FEM1A: variants seen among roughly 807,000 people sequenced by gnomAD.
FEM1A encodes the protein protein fem-1 homolog A.
FEM1A carries 1 observed loss-of-function variant against 0.7 expected under a neutral mutation model. That is an observed-to-expected ratio of 1.35 (90% CI 0.48 to 6.40). The LOEUF is 6.40. Ranked by LOEUF, FEM1A falls within the 30% of genes most tolerant of loss-of-function variation. The pLI, the probability that FEM1A is intolerant of heterozygous loss-of-function variation, is 0.14. For missense variants in FEM1A, 721 were observed against 918.7 expected (o/e 0.78, Z 2.78); for synonymous variants, 391 against 420.6 (o/e 0.93, Z 0.86).
At position 4,793,187 on chromosome 19, in the gene FEM1A, G is replaced by A. The variant is rs201453255; in HGVS notation, c.1333G>A (p.Val445Met). The change falls in exon 1 of 1, where the codon GTG (valine) becomes ATG (methionine). Residue 445 changes from valine (V) to methionine (M), a missense_variant. By Grantham distance (21) the Val-to-Met change is conservative. This residue lies in a region of FEM1A where 379 missense variants were observed against 454.8 expected (regional missense o/e 0.83). Coordinates refer to ENST00000269856, the MANE Select transcript of FEM1A (RefSeq NM_018708.3). This position sits in a 1 kb window ranked among gnomAD's most constrained non-coding sequence, Gnocchi z 5.1. Reference protein sequence around the residue: ...FLSFAELFSYVLQDRAAKGSL... With the variant: ...FLSFAELFSYMLQDRAAKGSL... The stretch of plus-strand genomic sequence containing the variant: ...CTCCTTCGCGGAACTCTTCTCCTAC[G>A]TGCTTCAGGACCGGGCCGCCAAAGG... The A allele has an allele frequency of 4.6e-5, 75 of 1,613,468 alleles. No homozygotes were observed. The highest frequency in any genetic ancestry group is 6.4e-5 in the Non-Finnish European group (75 of 1,180,016).
In FEM1A at chr19:4,792,645, G is replaced by T. The variant is rs747880227; in HGVS notation, c.791G>T (p.Cys264Phe). ...GAAGACCCCTCCACCAGCCAGGGGT[G>T]TGCGCAGCCTCAGGGGGCTCCGTGC... ...PQEDPSTSQG[C>F]AQPQGAPCCS... The change falls in exon 1 of 1, where the codon TGT becomes TTT. Residue 264 changes from cysteine to phenylalanine, a missense_variant. Physicochemically the swap from Cys to Phe is radical, Grantham distance 205 (BLOSUM62 -2). This residue lies in a region of FEM1A where 137 missense variants were observed against 121.7 expected (regional missense o/e 1.13). Coordinates refer to ENST00000269856, the MANE Select transcript of FEM1A (RefSeq NM_018708.3). The surrounding 1 kb of genome is among the most constrained non-coding windows in gnomAD (Gnocchi z 6.7). The T allele has an allele frequency of 6.2e-7, 1 of 1,612,058 alleles. No individual in the cohort carries two copies. Among genetic ancestry groups the T allele is most frequent in the South Asian group, 1.1e-5 (1 of 91,002 alleles).
In FEM1A at chr19:4,798,126, C is replaced by T. The variant is rs868449830; in HGVS notation, c.*4262C>T. ...CAGGTGCCTGTAGTCCCAGCTACTC[C>T]GGAGTCTGAGGCAGGAGAATGGCGT... On this transcript the variant is annotated 3_prime_UTR_variant, in exon 1 of 1. Coordinates refer to ENST00000269856, the MANE Select transcript of FEM1A (RefSeq NM_018708.3). The T allele has an allele frequency of 1.4e-5, 2 of 147,728 alleles. No individual in the cohort carries two copies. Among genetic ancestry groups the T allele is most frequent in the African/African-American group, 2.5e-5 (1 of 39,986 alleles). 9.2% of individuals were successfully genotyped at this position (147,728 alleles called of 1,614,324 possible). A position where few individuals can be genotyped will look rare whatever the true frequency, so the allele number is the denominator to read the frequency against.
rs1183524531 is a variant in FEM1A at position 4,795,895 on chromosome 19, CA to C, written c.*2032del. Reference sequence around the variant, plus strand: ...TATTTTCTGTAGAGGCAGGTTTTGCCATGTTGGCCAGGCTGGTCTCAAACTC... The same window carrying C: ...TATTTTCTGTAGAGGCAGGTTTTGCCTGTTGGCCAGGCTGGTCTCAAACTC... On this transcript the variant is annotated 3_prime_UTR_variant, in exon 1 of 1. Transcript: ENST00000269856. The C allele has an allele frequency of 6.6e-6, 1 of 152,076 alleles. No individual in the cohort carries two copies. The highest frequency in any genetic ancestry group is 1.5e-5 in the Non-Finnish European group (1 of 68,044). 9.4% of individuals were successfully genotyped at this position (152,076 alleles called of 1,614,324 possible).
chr19:4,793,232 G>A lies in FEM1A; in HGVS notation c.1378G>A (p.Gly460Ser), dbSNP rs776751127. 4 of 1,613,446 alleles carry A rather than the reference G, an allele frequency of 2.5e-6. No individual in the cohort carries two copies. Among genetic ancestry groups the A allele is most frequent in the East Asian group, 4.5e-5 (2 of 44,880 alleles). Residue 460 changes from glycine (G) to serine (S), a missense_variant, in exon 1 of 1, where the codon GGC becomes AGC. Physicochemically the swap from Gly to Ser is moderately conservative, Grantham distance 56. This residue lies in a region of FEM1A where 379 missense variants were observed against 454.8 expected (regional missense o/e 0.83). Transcript: ENST00000269856. The surrounding 1 kb of genome is among the most constrained non-coding windows in gnomAD (Gnocchi z 5.1). ...CAAAGGCAGCCTGGGCACCCAGATC[G>A]GCTTTGCAGACCTCATGGGGGTTCT... ...AAKGSLGTQI[G>S]FADLMGVLTK...
chr19:4,797,466 C>T lies in FEM1A; in HGVS notation c.*3602C>T, dbSNP rs57455469. The T allele has an allele frequency of 0.11, 16,306 of 151,818 alleles. 939 individuals carry two copies. The highest frequency in any genetic ancestry group is 0.21 in the South Asian group (1,029 of 4,788). 9.4% of individuals were successfully genotyped at this position (151,818 alleles called of 1,614,324 possible). On this transcript the variant is annotated 3_prime_UTR_variant, in exon 1 of 1. Transcript: ENST00000269856. ...GCCACCGCACCCGACCAGATGAAGG[C>T]CATCTTAAAGCTCAACCAGTTTCAG...
chr19:4,793,800 A>C lies in FEM1A; in HGVS notation c.1946A>C (p.Lys649Thr). The C allele has an allele frequency of 6.2e-7, 1 of 1,610,938 alleles. No individual in the cohort carries two copies. Among genetic ancestry groups the C allele is most frequent in the Non-Finnish European group, 8.5e-7 (1 of 1,179,350 alleles). The change falls in exon 1 of 1, where the codon AAG becomes ACG. Residue 649 changes from lysine to threonine, a missense_variant. Transcript: ENST00000269856. This position sits in a 1 kb window ranked among gnomAD's most constrained non-coding sequence, Gnocchi z 5.1. ...LQCLAARALD[K>T]NKIPYKGFIP... The stretch of plus-strand genomic sequence containing the variant: ...TGCCTTGCGGCCCGGGCCCTGGATA[A>C]GAACAAGATCCCTTACAAGGGCTTC...
In FEM1A at chr19:4,801,060, A is replaced by C. The variant is rs1372212955; in HGVS notation, c.*7196A>C. 2 of 152,166 alleles carry C rather than the reference A, an allele frequency of 1.3e-5. No individual in the cohort carries two copies. The highest frequency in any genetic ancestry group is 2.9e-5 in the Non-Finnish European group (2 of 68,024). 9.4% of individuals were successfully genotyped at this position (152,166 alleles called of 1,614,324 possible). A position where few individuals can be genotyped will look rare whatever the true frequency, so the allele number is the denominator to read the frequency against. On this transcript the variant is annotated 3_prime_UTR_variant, in exon 1 of 1. Transcript: ENST00000269856. ...TCCTGTTTCCCCAGTGGGTTGTACA[A>C]GACACCTTGAACTTCTGCATGAACT...
rs1211781274 is a variant in FEM1A at position 4,793,216 on chromosome 19, C to A, written c.1362C>A (p.Ser454Arg). The change falls in exon 1 of 1, where the codon AGC (serine) becomes AGA (arginine). Residue 454 changes from serine to arginine, a missense_variant. By Grantham distance (110) the Ser-to-Arg change is moderately radical (BLOSUM62 -1). This residue lies in a region of FEM1A where 379 missense variants were observed against 454.8 expected (regional missense o/e 0.83). Coordinates refer to ENST00000269856, the MANE Select transcript of FEM1A (RefSeq NM_018708.3). This position sits in a 1 kb window ranked among gnomAD's most constrained non-coding sequence, Gnocchi z 5.1. ...YVLQDRAAKG[S>R]LGTQIGFADL... ...TTCAGGACCGGGCCGCCAAAGGCAG[C>A]CTGGGCACCCAGATCGGCTTTGCAG... The A allele has an allele frequency of 3.1e-6, 5 of 1,613,476 alleles. No homozygotes were observed. The highest frequency in any genetic ancestry group is 4.2e-6 in the Non-Finnish European group (5 of 1,180,038).
Position 4,792,133 on chromosome 19 carries a change from C to T in FEM1A, c.279C>T (p.Ala93=). 6.6e-7 allele frequency: 1 copy of T among 1,519,730 alleles called. No individual in the cohort carries two copies. Among genetic ancestry groups the T allele is most frequent in the South Asian group, 1.2e-5 (1 of 83,020 alleles). The allele number at this position is 1,519,730 out of a possible 1,614,324, so 94.1% of individuals were successfully genotyped here. Reference sequence around the variant, plus strand: ...CGCCGCTGTGGGCCGCCTCCGCAGCCGGCCACCTGGACGTGGTGCGGAGCC... The same window carrying T: ...CGCCGCTGTGGGCCGCCTCCGCAGCTGGCCACCTGGACGTGGTGCGGAGCC... ...GAPPLWAASA[A]GHLDVVRSLL... The change falls in exon 1 of 1, where the codon GCC becomes GCT. Residue 93 remains alanine, a synonymous_variant. Transcript: ENST00000269856. This position sits in a 1 kb window ranked among gnomAD's most constrained non-coding sequence, Gnocchi z 6.7.
In FEM1A at chr19:4,793,824, T is replaced by C. The variant is rs1253548719; in HGVS notation, c.1970T>C (p.Phe657Ser). 1.9e-6 allele frequency: 3 copies of C among 1,609,332 alleles called. No homozygotes were observed. The highest frequency in any genetic ancestry group is 2.2e-5 in the East Asian group (1 of 44,810). ...LDKNKIPYKG[F>S]IPEDLEAFIE... ...AAGAACAAGATCCCTTACAAGGGCTTCATCCCGGAAGATCTGGAGGCGTTC... is the reference window on the plus strand; with the variant it reads ...AAGAACAAGATCCCTTACAAGGGCTCCATCCCGGAAGATCTGGAGGCGTTC... The change falls in exon 1 of 1, where the codon TTC (phenylalanine) becomes TCC (serine). Residue 657 changes from phenylalanine to serine, a missense_variant. This residue lies in a region of FEM1A where 10 missense variants were observed against 25.3 expected (regional missense o/e 0.39). Coordinates refer to ENST00000269856, the MANE Select transcript of FEM1A (RefSeq NM_018708.3). This position sits in a 1 kb window ranked among gnomAD's most constrained non-coding sequence, Gnocchi z 5.1.
In FEM1A at chr19:4,801,111, AC is replaced by A. The variant is rs1477289541; in HGVS notation, c.*7252del. On this transcript the variant is annotated 3_prime_UTR_variant, in exon 1 of 1. Transcript: ENST00000269856. Reference sequence around the variant, plus strand: ...GGGACATTCAGAATTCCCTGGAGCAACCCCCTCCCTCCACCCTGTGCCTTGA... The same window carrying A: ...GGGACATTCAGAATTCCCTGGAGCAACCCCTCCCTCCACCCTGTGCCTTGA... 1.3e-5 allele frequency: 2 copies of A among 151,572 alleles called. No homozygotes were observed. The highest frequency in any genetic ancestry group is 6.6e-5 in the Admixed American group (1 of 15,204). 9.4% of individuals were successfully genotyped at this position (151,572 alleles called of 1,614,324 possible). A position where few individuals can be genotyped will look rare whatever the true frequency, so the allele number is the denominator to read the frequency against.
rs1291409533 is a variant in FEM1A at position 4,794,327 on chromosome 19, A to G, written c.*463A>G. ...GTTAGGACTGGGGGCTCCTGAGATG[A>G]GAGTTTGAGATTCAGGGAATGAGAC... On this transcript the variant is annotated 3_prime_UTR_variant, in exon 1 of 1. Coordinates refer to ENST00000269856, the MANE Select transcript of FEM1A (RefSeq NM_018708.3). 1.1e-5 allele frequency: 2 copies of G among 179,480 alleles called. No homozygotes were observed. The highest frequency in any genetic ancestry group is 5.6e-5 in the Admixed American group (1 of 17,732). The allele number at this position is 179,480 out of a possible 1,614,324, so 11.1% of individuals were successfully genotyped here.
At position 4,793,732 on chromosome 19, in the gene FEM1A, G is replaced by T; in HGVS notation, c.1878G>T (p.Leu626=). 2 of 1,612,740 alleles carry T rather than the reference G, an allele frequency of 1.2e-6. No homozygotes were observed. The highest frequency in any genetic ancestry group is 8.5e-7 in the Non-Finnish European group (1 of 1,179,820). ...TAYELLDEKL[L]ARGTMQPFNY... ...ACGAGCTGCTGGACGAGAAGCTGCTGGCCAGGGGTACCATGCAGCCCTTCA... is the reference window on the plus strand; with the variant it reads ...ACGAGCTGCTGGACGAGAAGCTGCTTGCCAGGGGTACCATGCAGCCCTTCA... The change falls in exon 1 of 1, where the codon CTG becomes CTT. Residue 626 remains leucine, a synonymous_variant. Transcript: ENST00000269856. This position sits in a 1 kb window ranked among gnomAD's most constrained non-coding sequence, Gnocchi z 5.1.
rs72981837 is a variant in FEM1A, at chr19:4,797,792, T to A, written c.*3928T>A. 8.5e-3 allele frequency: 789 copies of A among 92,716 alleles called. 28 individuals carry two copies. Among genetic ancestry groups the A allele is most frequent in the Non-Finnish European group, 9.4e-3 (405 of 43,208 alleles). The allele number at this position is 92,716 out of a possible 1,614,324, so 5.7% of individuals were successfully genotyped here. On this transcript the variant is annotated 3_prime_UTR_variant, in exon 1 of 1. Coordinates refer to ENST00000269856, the MANE Select transcript of FEM1A (RefSeq NM_018708.3). ...CTACAAAAAAAAAAAAAAAAAAAAA[T>A]TAGCCATGTGTAGTGATATGTAGTC...
Position 4,793,039 on chromosome 19 carries a change from C to T in FEM1A, c.1185C>T (p.Tyr395=), listed in dbSNP as rs1413913505. The T allele has an allele frequency of 2.5e-6, 4 of 1,613,460 alleles. No homozygotes were observed. The highest frequency in any genetic ancestry group is 4.5e-5 in the East Asian group (2 of 44,900). Residue 395 remains tyrosine (Y), a synonymous_variant, in exon 1 of 1, where the codon TAC becomes TAT. Coordinates refer to ENST00000269856, the MANE Select transcript of FEM1A (RefSeq NM_018708.3). The surrounding 1 kb of genome is among the most constrained non-coding windows in gnomAD (Gnocchi z 5.1). ...CGGACACTTCCTATTACATCCGTTA[C>T]AGGGGTGCCGTGTACGCCGACTCGG... ...SHPDTSYYIR[Y]RGAVYADSGN... is the part of the protein sequence containing the mutation.
rs550101905 is a variant in FEM1A at position 4,792,701 on chromosome 19, G to T, written c.847G>T (p.Gly283Trp). The part of the protein sequence containing the change: ...CSSSPEEPLN[G>W]ESYESCCPTS... ...CTCCTCCCCAGAGGAACCACTGAACGGGGAATCTTACGAAAGCTGCTGTCC... is the reference window on the plus strand; with the variant it reads ...CTCCTCCCCAGAGGAACCACTGAACTGGGAATCTTACGAAAGCTGCTGTCC... The change falls in exon 1 of 1, where the codon GGG (glycine) becomes TGG (tryptophan). Residue 283 changes from glycine to tryptophan, a missense_variant. Gly to Trp is a radical substitution (Grantham distance 184). Transcript: ENST00000269856. The surrounding 1 kb of genome is among the most constrained non-coding windows in gnomAD (Gnocchi z 6.7). 5 of 1,612,008 alleles carry T rather than the reference G, an allele frequency of 3.1e-6. No individual in the cohort carries two copies. The highest frequency in any genetic ancestry group is 4.2e-6 in the Non-Finnish European group (5 of 1,179,876).
rs774951082 is a variant in FEM1A at position 4,792,725 on chromosome 19, C to G, written c.871C>G (p.Pro291Ala). The part of the protein sequence containing the change: ...LNGESYESCC[P>A]TSREAAVEAL... ...CGGGGAATCTTACGAAAGCTGCTGTCCCACCAGCCGGGAAGCTGCCGTGGA... is the reference window on the plus strand; with the variant it reads ...CGGGGAATCTTACGAAAGCTGCTGTGCCACCAGCCGGGAAGCTGCCGTGGA... The change falls in exon 1 of 1, where the codon CCC (proline) becomes GCC (alanine). Residue 291 changes from proline (P) to alanine (A), a missense_variant. Around this residue, in one of 4 missense-constraint regions of FEM1A, gnomAD observed 137 missense variants for 121.7 expected, o/e 1.13. Transcript: ENST00000269856. The surrounding 1 kb of genome is among the most constrained non-coding windows in gnomAD (Gnocchi z 6.7). The G allele has an allele frequency of 1.4e-5, 23 of 1,611,970 alleles. No individual in the cohort carries two copies. Among genetic ancestry groups the G allele is most frequent in the Non-Finnish European group, 7.6e-6 (9 of 1,179,886 alleles).
rs750255403 is a variant in FEM1A at position 4,793,062 on chromosome 19, C to T, written c.1208C>T (p.Ser403Leu). The change falls in exon 1 of 1, where the codon TCG becomes TTG. Residue 403 changes from serine (S) to leucine (L), a missense_variant. By Grantham distance (145) the Ser-to-Leu change is moderately radical. This residue lies in a region of FEM1A where 379 missense variants were observed against 454.8 expected (regional missense o/e 0.83). Transcript: ENST00000269856. This position sits in a 1 kb window ranked among gnomAD's most constrained non-coding sequence, Gnocchi z 5.1. ...TACAGGGGTGCCGTGTACGCCGACT[C>T]GGGCAATTTCGAGCGCTGCATCCGC... is the stretch of plus-strand genomic sequence containing the variant. ...IRYRGAVYAD[S>L]GNFERCIRLW... 2.5e-6 allele frequency: 4 copies of T among 1,613,586 alleles called. No individual in the cohort carries two copies. The highest frequency in any genetic ancestry group is 2.2e-5 in the South Asian group (2 of 91,066).
Position 4,793,600 on chromosome 19 carries a change from C to T in FEM1A, c.1746C>T (p.Asn582=). 1 of 1,612,822 alleles carries T rather than the reference C, an allele frequency of 6.2e-7. No homozygotes were observed. Among genetic ancestry groups the T allele is most frequent in the Non-Finnish European group, 8.5e-7 (1 of 1,179,850 alleles). ...ADPDSRDFDN[N]TPLHIAAQNN... is the part of the protein sequence containing the mutation. ...CGGACAGCAGGGATTTTGACAACAA[C>T]ACCCCGCTACACATAGCAGCCCAGA... Residue 582 remains asparagine, a synonymous_variant, in exon 1 of 1, where the codon AAC becomes AAT. Coordinates refer to ENST00000269856, the MANE Select transcript of FEM1A (RefSeq NM_018708.3). The surrounding 1 kb of genome is among the most constrained non-coding windows in gnomAD (Gnocchi z 5.1).
Sources: gnomAD v4.1 joint callset for allele counts on GRCh38, gnomAD v4.1.1 for gene constraint, gnomAD v4.1.1 regional missense constraint, Gnocchi (gnomAD v3.1) non-coding constraint, MANE v1.5 for transcripts, NCBI Gene and HGNC (gene_info 2026-07-23, HGNC 2026-07-21) for gene names.